LRBA: variants seen among roughly 807,000 people sequenced by gnomAD.
LRBA encodes the protein LPS responsive beige-like anchor protein.
LRBA carries 176 observed loss-of-function variants against 330.0 expected under a neutral mutation model. The observed-to-expected ratio is 0.53, with a 90% CI of 0.47 to 0.60. The LOEUF is 0.60. Among genes scored for constraint, LRBA ranks in the 20% least tolerant of loss-of-function variants. The pLI is 0.00. For synonymous variants in LRBA, 1,230 were observed against 1,193.0 expected (o/e 1.03, Z -0.64); for missense variants, 3,259 against 3,444.8 (o/e 0.95, Z 1.35).
intron 2 of LRBA, among the ~76,000 whole-genome samples, chr4:150,935,472 C>T (rs1362340640): frequency 6.6e-6 from 1 of 151,890 alleles, no homozygotes; most frequent in Non-Finnish European, 1.5e-5. Context: ...AAATTTTTTT[C>T]CACTTTTGAT....
At chr4:150,824,053 C>T (rs150496086) in intron 30 of LRBA, among the ~76,000 whole-genome samples, 1 of 152,194 alleles carries the variant, frequency 6.6e-6, no homozygotes, top group African/African-American at 2.4e-5. Context: ...TTAATTCTTC[C>T]AATCCATGAA....
chr4:151,007,686 T>C (rs1744259895), intron 2 of LRBA, among the ~76,000 whole-genome samples: 1 of 151,064 alleles, frequency 6.6e-6, no homozygotes, highest in Non-Finnish European at 1.5e-5. Flanking sequence ...TGAAACCACG[T>C]GTCTACTAAA....
At chr4:150,519,328 A>G (rs1762678660) in intron 40 of LRBA, among the ~76,000 whole-genome samples, 1 of 152,114 alleles carries the variant, frequency 6.6e-6, no homozygotes, top group South Asian at 2.1e-4. Flanking sequence ...TTATAATATA[A>G]TATTTCCATC....
At chr4:150,428,144 TAGTC>T in intron 46 of LRBA, among the ~76,000 whole-genome samples, 1 of 152,198 alleles carries the variant, frequency 6.6e-6, no homozygotes, top group East Asian at 1.9e-4. Context: ...TATTACTGCA[TAGTC>T]ATTTATTTTT....
chr4:150,286,192 T>C (rs966220336), intron 53 of LRBA, among the ~76,000 whole-genome samples, 158 bp from the exon 54 acceptor site: 3 of 152,204 alleles, frequency 2.0e-5, no homozygotes, highest in African/African-American at 7.2e-5. Context: ...TTACATACTA[T>C]AGTTTGATTA....
chr4:150,692,141 T>C (rs1784195652), intron 36 of LRBA, among the ~76,000 whole-genome samples: 1 of 152,216 alleles, frequency 6.6e-6, no homozygotes, highest in African/African-American at 2.4e-5. Context: ...TCAAAACTCC[T>C]CAAATTGTAT....
intron 2 of LRBA, among the ~76,000 whole-genome samples, chr4:150,972,173 A>T (rs1739651753): frequency 6.6e-6 from 1 of 152,192 alleles, no homozygotes; most frequent in Non-Finnish European, 1.5e-5. Context: ...TTAGTAAAGG[A>T]TTAATCATAA....
intron 15 of LRBA, among the ~76,000 whole-genome samples, chr4:150,897,241 A>T (rs949563429): frequency 2.0e-5 from 3 of 152,066 alleles, no homozygotes; most frequent in African/African-American, 4.8e-5. Context: ...TTACATTTAT[A>T]TATTGCTATC....
At position 150,684,745 on chromosome 4, in the gene LRBA, C is replaced by A. The variant is rs188664664; in HGVS notation, c.5755-1028G>T. Among the ~76,000 whole-genome samples, 645 of 152,216 alleles carry A rather than the reference C, an allele frequency of 4.2e-3. 4 individuals carry two copies. Among genetic ancestry groups the A allele is most frequent in the African/African-American group, 0.015 (623 of 41,516 alleles). On this transcript the variant is annotated intron_variant, in intron 36 of 56. Transcript: ENST00000651943. ...CAGTGTCTACTGGAGTCCTCTCCCCCACCCCCACACACATATCCTTTGATA... is the reference window on the plus strand; with the variant it reads ...CAGTGTCTACTGGAGTCCTCTCCCCAACCCCCACACACATATCCTTTGATA...
chr4:150,990,196 G>T (rs899673217), intron 2 of LRBA, among the ~76,000 whole-genome samples: 1 of 152,032 alleles, frequency 6.6e-6, no homozygotes, highest in Non-Finnish European at 1.5e-5. Flanking sequence ...TTGTGTGTGT[G>T]TATATATTTA....
chr4:150,829,048 C>G (rs556533404), intron 29 of LRBA, among the ~76,000 whole-genome samples: 1 of 151,894 alleles, frequency 6.6e-6, no homozygotes, highest in African/African-American at 2.4e-5. Flanking sequence ...GATCCTCCCA[C>G]CTAAGCCTCT....
rs1730181745 is a variant in LRBA at position 150,897,176 on chromosome 4, C to G, written c.2004+563G>C. Among the ~76,000 whole-genome samples, 4 of 151,830 alleles carry G rather than the reference C, an allele frequency of 2.6e-5. No individual in the cohort carries two copies. The South Asian group carries it at 8.3e-4, about 31-fold the overall frequency. ...CACTTGCCATAATCTTATGTGACAACTAATAAAGCATTATAAAATCATATA... is the reference window on the plus strand; with the variant it reads ...CACTTGCCATAATCTTATGTGACAAGTAATAAAGCATTATAAAATCATATA... On this transcript the variant is annotated intron_variant, in intron 15 of 56. Transcript: ENST00000651943.
intron 46 of LRBA, among the ~76,000 whole-genome samples, chr4:150,418,842 A>G (rs1188636661): frequency 2.0e-5 from 3 of 152,188 alleles, no homozygotes; most frequent in Non-Finnish European, 4.4e-5. Flanking sequence ...AACAGAGAGT[A>G]TATGAGGTAT....
rs78877620 is a variant in LRBA at position 150,315,536 on chromosome 4, G to A, written c.7693+25C>T. 15,796 of 1,600,058 alleles carry A rather than the reference G, an allele frequency of 9.9e-3. 1,164 individuals are homozygous for A. The African/African-American group carries it at 0.17, about 18-fold the overall frequency. ...GCCACCATACAGAGCTTAATGAATC[G>A]CAAAGAGAGAAGGAAGTGACAGACC... On this transcript the variant is annotated intron_variant, in intron 51 of 56. Transcript: ENST00000651943.
intron 22 of LRBA, among the ~76,000 whole-genome samples, chr4:150,861,975 T>G (rs1751998584): frequency 6.9e-6 from 1 of 145,778 alleles, no homozygotes. Flanking sequence ...AGCAAGACTC[T>G]GACTCCAAAA....
At chr4:150,354,484 T>C (rs1561057788) in intron 47 of LRBA, among the ~76,000 whole-genome samples, 1 of 151,814 alleles carries the variant, frequency 6.6e-6, no homozygotes, top group Non-Finnish European at 1.5e-5. Context: ...ATACATCACT[T>C]ACATCCAATG....
At chr4:150,850,118 G>C (rs1262221622) in intron 24 of LRBA, among the ~76,000 whole-genome samples, 3 of 147,006 alleles carry the variant, frequency 2.0e-5, no homozygotes, top group African/African-American at 7.6e-5. Context: ...TTTTGAGACA[G>C]AGTCTCGCTC....
intron 36 of LRBA, among the ~76,000 whole-genome samples, chr4:150,710,189 G>T (rs1786041076): frequency 6.6e-6 from 1 of 152,036 alleles, no homozygotes; most frequent in East Asian, 1.9e-4. Flanking sequence ...GTTTTTGGAG[G>T]CAAAATAAAC....
chr4:150,631,368 A>G (rs938170814), intron 37 of LRBA, among the ~76,000 whole-genome samples: 8 of 152,150 alleles, frequency 5.3e-5, no homozygotes, highest in African/African-American at 1.9e-4. Context: ...TCTCGGAATG[A>G]GAGTATAAAA....
Sources: gnomAD v4.1 joint callset for allele counts (sites outside exome capture counted in the v4.1 genomes callset) on GRCh38, gnomAD v4.1.1 for gene constraint, MANE v1.5 for transcripts, NCBI Gene and HGNC (gene_info 2026-07-23, HGNC 2026-07-21) for gene names.